The following GFOD1 variants were observed in gnomAD, a reference collection of about 807,000 sequenced individuals.
GFOD1 encodes glucose-fructose oxidoreductase domain-containing protein 1.
GFOD1 carries 9 observed loss-of-function variants against 25.4 expected under a neutral mutation model. The observed-to-expected ratio is 0.35, with a 90% CI of 0.21 to 0.62. The LOEUF (loss-of-function observed/expected upper bound fraction) is 0.62, where lower values mean the gene tolerates loss of function less well. Among genes scored for constraint, GFOD1 ranks in the 20% least tolerant of loss-of-function variants. The probability of loss-of-function intolerance (pLI) is 0.72; values close to 1 mark genes in which losing one functional copy is unlikely to be tolerated. For missense variants in GFOD1, 403 were observed against 556.9 expected (o/e 0.72, Z 2.78); for synonymous variants, 253 against 245.6 (o/e 1.03, Z -0.28).
rs1457900881 is a variant in GFOD1 at position 13,364,666 on chromosome 6, A to C, written c.*77T>G. ...CCTGATCCCCACATTCCCCATGGTC[A>C]CCCTCTCCCCTCGGCCCTTCCCTCT... On this transcript the variant is annotated 3_prime_UTR_variant, in exon 2 of 2. Coordinates refer to ENST00000379287, the MANE Select transcript of GFOD1 (RefSeq NM_018988.4). The surrounding 1 kb of genome is among the most constrained non-coding windows in gnomAD (Gnocchi z 4.1). 24 of 1,222,020 alleles carry C rather than the reference A, an allele frequency of 2.0e-5. No individual in the cohort carries two copies. In the Admixed American group the frequency reaches 4.6e-4, roughly 24 times the overall value. The allele number at this position is 1,222,020 out of a possible 1,614,324, so 75.7% of individuals were successfully genotyped here. A position where few individuals can be genotyped will look rare whatever the true frequency, so the allele number is the denominator to read the frequency against.
chr6:13,377,989 A>C (rs1785287413), intron 1 of GFOD1, among the ~76,000 whole-genome samples: 1 of 152,154 alleles, frequency 6.6e-6, no homozygotes, highest in African/African-American at 2.4e-5. Context: ...GTAGCAACAG[A>C]AACAGGTGCA....
intron 1 of GFOD1, among the ~76,000 whole-genome samples, chr6:13,389,869 C>T (rs1785548583): frequency 1.3e-5 from 2 of 152,122 alleles, no homozygotes; most frequent in African/African-American, 4.8e-5. Context: ...TTTGCCATTG[C>T]CCATGATATG....
chr6:13,426,168 G>T (rs1445889858), intron 1 of GFOD1, among the ~76,000 whole-genome samples: 1 of 152,198 alleles, frequency 6.6e-6, no homozygotes, highest in Non-Finnish European at 1.5e-5. Context: ...GGTTAGTCAG[G>T]CTATGATTCA....
intron 1 of GFOD1, among the ~76,000 whole-genome samples, chr6:13,438,138 C>T (rs1390371187): frequency 2.0e-5 from 3 of 152,076 alleles, no homozygotes; most frequent in East Asian, 3.8e-4. Context: ...TGGGGAGGAT[C>T]GAAGGGCATA....
intron 1 of GFOD1, among the ~76,000 whole-genome samples, chr6:13,429,838 CATT>C (rs1179569757): frequency 2.0e-5 from 3 of 151,996 alleles, no homozygotes; most frequent in Non-Finnish European, 2.9e-5. Flanking sequence ...GTAATATATA[CATT>C]ATTATACAAA....
intron 1 of GFOD1, among the ~76,000 whole-genome samples, chr6:13,432,240 T>C (rs1032763254): frequency 6.6e-6 from 1 of 151,786 alleles, no homozygotes; most frequent in African/African-American, 2.4e-5. Context: ...TTTTTTTTTT[T>C]TTTGAGATGG....
At position 13,475,939 on chromosome 6, in the gene GFOD1, T is replaced by G. The variant is rs115585061; in HGVS notation, c.253+10699A>C. 9.2e-3 allele frequency among the ~76,000 whole-genome samples: 1,400 copies of G among 151,994 alleles called. 15 individuals carry two copies. The highest frequency in any genetic ancestry group is 0.03 in the African/African-American group (1,252 of 41,456). On this transcript the variant is annotated intron_variant, in intron 1 of 1. Coordinates refer to ENST00000379287, the MANE Select transcript of GFOD1 (RefSeq NM_018988.4). ...ACTATCTCAAAAAAAAGACTGACAATACCAAGTGCTGGTGATGATATCAGA... is the reference window on the plus strand; with the variant it reads ...ACTATCTCAAAAAAAAGACTGACAAGACCAAGTGCTGGTGATGATATCAGA...
At chr6:13,485,847 T>C (rs987752550) in intron 1 of GFOD1, among the ~76,000 whole-genome samples, 5 of 152,282 alleles carry the variant, frequency 3.3e-5, no homozygotes, top group African/African-American at 1.2e-4. Flanking sequence ...CCTAAAAATT[T>C]AAAATCTATT....
rs1040941740 is a variant in GFOD1 at position 13,359,722 on chromosome 6, GC to G, written c.*5020del. ...CCAGCACTTTGGGAGGTCAAGGCGG[GC>G]GGATCACAAGGTCAGGAGTTCAAGA... On this transcript the variant is annotated 3_prime_UTR_variant, in exon 2 of 2. Transcript: ENST00000379287. The G allele has an allele frequency of 2.0e-5, 3 of 152,294 alleles. No individual in the cohort carries two copies. The highest frequency in any genetic ancestry group is 7.2e-5 in the African/African-American group (3 of 41,556). 9.4% of individuals were successfully genotyped at this position (152,294 alleles called of 1,614,324 possible).
At position 13,405,152 on chromosome 6, in the gene GFOD1, C is replaced by T. The variant is rs578000464; in HGVS notation, c.254-39490G>A. On this transcript the variant is annotated intron_variant, in intron 1 of 1. Transcript: ENST00000379287. ...AGAGCCTCTTCTTTTCTTTTGAAGT[C>T]TTCTCAAGCTTTAGAAGGTTTTTAA... 1.9e-4 allele frequency among the ~76,000 whole-genome samples: 29 copies of T among 152,276 alleles called. No individual in the cohort carries two copies. The East Asian group carries it at 3.9e-3, about 20-fold the overall frequency.
At chr6:13,445,589 T>G (rs1215085925) in intron 1 of GFOD1, among the ~76,000 whole-genome samples, 1 of 152,240 alleles carries the variant, frequency 6.6e-6, no homozygotes, top group Non-Finnish European at 1.5e-5. Context: ...GGAAGAAGAT[T>G]CTTACAGCCA....
chr6:13,432,762 C>T (rs564500653), intron 1 of GFOD1, among the ~76,000 whole-genome samples: 110 of 152,212 alleles, frequency 7.2e-4, no homozygotes, highest in African/African-American at 2.0e-3. Flanking sequence ...GTTCCCTGAG[C>T]GGGCAGCACA....
In GFOD1 at chr6:13,379,248, G is replaced by A. The variant is rs147899547; in HGVS notation, c.254-13586C>T. On this transcript the variant is annotated intron_variant, in intron 1 of 1. Transcript: ENST00000379287. ...GATTTTGGGGAGCTGCCCAGCCCCT[G>A]AATCTCCTTGCTGTGATTGGGAAAT... 8.0e-3 allele frequency among the ~76,000 whole-genome samples: 1,218 copies of A among 152,268 alleles called. 18 individuals are homozygous for A. Among genetic ancestry groups the A allele is most frequent in the African/African-American group, 0.028 (1,166 of 41,536 alleles).
intron 1 of GFOD1, among the ~76,000 whole-genome samples, chr6:13,448,386 C>G (rs1758041457): frequency 6.6e-6 from 1 of 152,152 alleles, no homozygotes; most frequent in Non-Finnish European, 1.5e-5. Flanking sequence ...GGGAGCCCCT[C>G]CTCCCAATTG....
intron 1 of GFOD1, among the ~76,000 whole-genome samples, chr6:13,463,087 T>C (rs1021328338): frequency 2.0e-5 from 3 of 152,134 alleles, no homozygotes; most frequent in African/African-American, 4.8e-5. Context: ...CCCAGCTTCT[T>C]AAAGAGCATT....
At chr6:13,397,599 G>A (rs1785758468) in intron 1 of GFOD1, among the ~76,000 whole-genome samples, 1 of 152,204 alleles carries the variant, frequency 6.6e-6, no homozygotes, top group African/African-American at 2.4e-5. Context: ...CCACCTGGGA[G>A]GGCAGATATT....
At chr6:13,391,806 T>C (rs1337118111) in intron 1 of GFOD1, among the ~76,000 whole-genome samples, 6 of 152,204 alleles carry the variant, frequency 3.9e-5, no homozygotes, top group Non-Finnish European at 8.8e-5. Context: ...ATTGGAGTGG[T>C]GAGAACCATC....
chr6:13,378,598 G>A (rs1243333079), intron 1 of GFOD1, among the ~76,000 whole-genome samples: 1 of 152,166 alleles, frequency 6.6e-6, no homozygotes, highest in East Asian at 1.9e-4. Context: ...TTATAGTGCT[G>A]GGGTTCCTAC....
chr6:13,467,582 A>G (rs2127576634), intron 1 of GFOD1, among the ~76,000 whole-genome samples: 1 of 152,352 alleles, frequency 6.6e-6, no homozygotes, highest in South Asian at 2.1e-4. Flanking sequence ...GAAATAAAAA[A>G]TGGAAATGTT....
Sources: gnomAD v4.1 joint callset for allele counts (sites outside exome capture counted in the v4.1 genomes callset) on GRCh38, gnomAD v4.1.1 for gene constraint, Gnocchi (gnomAD v3.1) non-coding constraint, MANE v1.5 for transcripts, NCBI Gene and HGNC (gene_info 2026-07-23, HGNC 2026-07-21) for gene names.